Variants in TMEM236 observed in about 807,000 individuals in gnomAD.
TMEM236 encodes transmembrane protein 236.
In TMEM236, 11 loss-of-function variants were observed where a neutral mutation model predicts 14.7. That is an observed-to-expected ratio of 0.75 (90% confidence interval 0.47 to 1.24). TMEM236 has a LOEUF of 1.24. Ranked by LOEUF, TMEM236 falls within the 50% of genes most tolerant of loss-of-function variation. The probability of loss-of-function intolerance (pLI) is 0.00; values close to 1 mark genes in which losing one functional copy is unlikely to be tolerated. For missense variants in TMEM236, 464 were observed against 427.3 expected, an observed-to-expected ratio of 1.09 and a Z score of -0.76; for synonymous variants, 182 against 168.6, an observed-to-expected ratio of 1.08 and a Z score of -0.62.
At chr10:17,795,887 A>G in intron 3 of TMEM236, 34 bp from the exon 4 acceptor site, 1 of 1,600,620 alleles carries the variant, frequency 6.2e-7, no homozygotes, top group South Asian at 1.1e-5. Context: ...ATACATTTTA[A>G]AAACTAAAAT....
chr10:17,753,345 C>T (rs1837236631), intron 1 of TMEM236, among the ~76,000 whole-genome samples: 2 of 152,340 alleles, frequency 1.3e-5, no homozygotes, highest in South Asian at 4.1e-4. Flanking sequence ...TATTTCATCA[C>T]CCAGGTATTA....
chr10:17,789,149 T>G (rs1837882352), intron 3 of TMEM236, among the ~76,000 whole-genome samples: 1 of 152,202 alleles, frequency 6.6e-6, no homozygotes, highest in African/African-American at 2.4e-5. Context: ...TGGTGTAAGC[T>G]GCCTTCACCT....
chr10:17,757,123 A>ATAGT (rs1401428019), intron 1 of TMEM236, among the ~76,000 whole-genome samples: 1 of 152,146 alleles, frequency 6.6e-6, no homozygotes, highest in Non-Finnish European at 1.5e-5. Context: ...GCATTATCAT[A>ATAGT]TAGTTATCTT....
chr10:17,774,129 C>A (rs1837620432), intron 2 of TMEM236, among the ~76,000 whole-genome samples: 2 of 152,146 alleles, frequency 1.3e-5, no homozygotes, highest in African/African-American at 4.8e-5. Context: ...ACTGCAACCT[C>A]CACCTTCTGG....
chr10:17,753,011 G>A (rs929785922), intron 1 of TMEM236, among the ~76,000 whole-genome samples: 1 of 152,046 alleles, frequency 6.6e-6, no homozygotes, highest in African/African-American at 2.4e-5. Context: ...TGTGTCATTA[G>A]GGGTTTGTTG....
At chr10:17,756,028 A>T (rs1837279278) in intron 1 of TMEM236, among the ~76,000 whole-genome samples, 1 of 152,172 alleles carries the variant, frequency 6.6e-6, no homozygotes, top group Non-Finnish European at 1.5e-5. Flanking sequence ...ACACTTTGGG[A>T]GGCCAAGGTG....
chr10:17,786,746 A>G (rs1342383121), intron 3 of TMEM236, among the ~76,000 whole-genome samples: 1 of 152,098 alleles, frequency 6.6e-6, no homozygotes, highest in African/African-American at 2.4e-5. Flanking sequence ...ATCTGCCCTG[A>G]TATGGTTTGG....
In TMEM236 at chr10:17,796,348, A is replaced by G. The variant is rs921888360; in HGVS notation, c.900A>G (p.Pro300=). Residue 300 remains proline (P), a synonymous_variant, in exon 4 of 4, where the codon CCA becomes CCG. Transcript: ENST00000377495. ...TGAGCGTCCTGCTGCAAGATTTACC[A>G]TTCGTTTTTGTTAGACTTGGTTTAA... ...NSLSVLLQDL[P]FVFVRLGLII... 177 of 1,613,768 alleles carry G rather than the reference A, an allele frequency of 1.1e-4. No homozygotes were observed. The South Asian group carries it at 1.5e-3, about 13-fold the overall frequency.
intron 2 of TMEM236, among the ~76,000 whole-genome samples, chr10:17,772,982 C>T (rs902876096): frequency 4.6e-5 from 7 of 152,192 alleles, no homozygotes; most frequent in Admixed American, 3.9e-4. Context: ...GAGGGTCATT[C>T]CTGTTTCTGT....
rs2130541020 is a variant in TMEM236, at chr10:17,796,451, A to C, written c.1003A>C (p.Asn335His). ...CGTGACTCTCTCTTACATTTACTTC[A>C]ATTACCTAACCAGAATCAGGATTTT... ...ILVTLSYIYF[N>H]YLTRIRIFSA... The change falls in exon 4 of 4, where the codon AAT becomes CAT. Residue 335 changes from asparagine to histidine, a missense_variant. Coordinates refer to ENST00000377495, the MANE Select transcript of TMEM236 (RefSeq NM_001098844.3). 2 of 1,613,504 alleles carry C rather than the reference A, an allele frequency of 1.2e-6. No individual in the cohort carries two copies. Among genetic ancestry groups the C allele is most frequent in the Non-Finnish European group, 1.7e-6 (2 of 1,179,810 alleles).
Position 17,796,081 on chromosome 10 carries a change from G to A in TMEM236, c.633G>A (p.Val211=). Residue 211 remains valine, a synonymous_variant, in exon 4 of 4, where the codon GTG becomes GTA. Transcript: ENST00000377495. ...SGAMTRSQES[V]FMGPQEPSCD... Reference sequence around the variant, plus strand: ...CCATGACACGGAGCCAGGAGTCTGTGTTCATGGGACCCCAGGAGCCCTCCT... The same window carrying A: ...CCATGACACGGAGCCAGGAGTCTGTATTCATGGGACCCCAGGAGCCCTCCT... 1 of 1,613,888 alleles carries A rather than the reference G, an allele frequency of 6.2e-7. No individual in the cohort carries two copies. Among genetic ancestry groups the A allele is most frequent in the African/African-American group, 1.3e-5 (1 of 74,998 alleles).
intron 2 of TMEM236, among the ~76,000 whole-genome samples, 170 bp downstream of exon 2, chr10:17,771,551 T>C (rs918284968): frequency 1.1e-4 from 16 of 152,246 alleles, no homozygotes; most frequent in Non-Finnish European, 5.9e-5. Context: ...TTGTTACCTC[T>C]GTGATTGTGA....
chr10:17,763,424 T>C (rs1837408153), intron 1 of TMEM236, among the ~76,000 whole-genome samples: 1 of 151,702 alleles, frequency 6.6e-6, no homozygotes, highest in South Asian at 2.1e-4. Context: ...GACCCTGTCT[T>C]TCTATTAAAA....
At chr10:17,754,376 A>C (rs1194242920) in intron 1 of TMEM236, among the ~76,000 whole-genome samples, 1 of 152,146 alleles carries the variant, frequency 6.6e-6, no homozygotes, top group Non-Finnish European at 1.5e-5. Context: ...GTTGGAGTGC[A>C]GTGGCGTGAT....
intron 1 of TMEM236, among the ~76,000 whole-genome samples, chr10:17,769,172 C>T (rs951654395): frequency 7.2e-5 from 11 of 152,152 alleles, no homozygotes; most frequent in Admixed American, 5.9e-4. Flanking sequence ...AGAATAGAAC[C>T]ACCAACAGGA....
chr10:17,752,268 G>C lies in TMEM236; in HGVS notation c.-28G>C, dbSNP rs1418100410. On this transcript the variant is annotated 5_prime_UTR_variant, in exon 1 of 4. Transcript: ENST00000377495. ...GCCCACAGTCAAAGAGGGAGTCCCA[G>C]GTTCTTGGCAGCTTGCTTTTCCTCA... The C allele has an allele frequency of 1.9e-6, 3 of 1,613,930 alleles. No homozygotes were observed. The highest frequency in any genetic ancestry group is 8.5e-7 in the Non-Finnish European group (1 of 1,179,856).
chr10:17,794,065 T>C (rs1241948675), intron 3 of TMEM236, among the ~76,000 whole-genome samples: 1 of 152,214 alleles, frequency 6.6e-6, no homozygotes, highest in African/African-American at 2.4e-5. Flanking sequence ...TTTATAAAAA[T>C]GCTCAATTCA....
rs960162032 is a variant in TMEM236 at position 17,769,510 on chromosome 10, A to C, written c.258-1799A>C. On this transcript the variant is annotated intron_variant, in intron 1 of 3. Coordinates refer to ENST00000377495, the MANE Select transcript of TMEM236 (RefSeq NM_001098844.3). ...TCCAGGAAGATAATATAGATAAAGA[A>C]CAAGCCCGGGAATAATCTCTGGGGC... Among the ~76,000 whole-genome samples, 359 of 152,334 alleles carry C rather than the reference A, an allele frequency of 2.4e-3. 3 individuals are homozygous for C. The highest frequency in any genetic ancestry group is 8.3e-3 in the African/African-American group (344 of 41,566).
chr10:17,785,985 C>T (rs1356013067), intron 3 of TMEM236, among the ~76,000 whole-genome samples: 2 of 152,132 alleles, frequency 1.3e-5, no homozygotes, highest in African/African-American at 4.8e-5. Flanking sequence ...TACCAACAGA[C>T]ATAGAATGTC....
Sources: allele counts gnomAD v4.1 joint callset (sites outside exome capture counted in the v4.1 genomes callset), GRCh38; gene constraint gnomAD v4.1.1; transcripts MANE v1.5; gene names NCBI Gene and HGNC (gene_info 2026-07-23, HGNC 2026-07-21).